The following DACH1 variants were observed in gnomAD, a reference collection of about 807,000 sequenced individuals.
DACH1 encodes dachshund family transcription factor 1.
In DACH1, 12 loss-of-function variants were observed where a neutral mutation model predicts 54.2. The observed-to-expected ratio is 0.22, with a 90% CI of 0.14 to 0.36. DACH1 has a LOEUF of 0.36. Ranked by LOEUF, DACH1 falls within the 10% of genes least tolerant of loss-of-function variation. DACH1 has a pLI of 1.00. For missense variants in DACH1, 805 were observed against 929.8 expected (o/e 0.87, Z 1.75); for synonymous variants, 386 against 366.2 (o/e 1.05, Z -0.62).
chr13:71,599,359 T>A (rs1874331949), intron 3 of DACH1, among the ~76,000 whole-genome samples: 1 of 152,150 alleles, frequency 6.6e-6, no homozygotes, highest in Non-Finnish European at 1.5e-5. Context: ...TTAAAGAGGT[T>A]TATGAATTAT....
At chr13:71,754,371 A>G (rs1885053628) in intron 1 of DACH1, among the ~76,000 whole-genome samples, 1 of 152,084 alleles carries the variant, frequency 6.6e-6, no homozygotes, top group Non-Finnish European at 1.5e-5. Context: ...GCCCCCTTTC[A>G]TGCTATGCAA....
At chr13:71,717,592 A>T (rs994881381) in intron 1 of DACH1, among the ~76,000 whole-genome samples, 1 of 151,436 alleles carries the variant, frequency 6.6e-6, no homozygotes, top group Non-Finnish European at 1.5e-5. Flanking sequence ...TTATTTACAC[A>T]TTTTTATGTT....
chr13:71,706,448 A>G (rs1041876446), intron 1 of DACH1, among the ~76,000 whole-genome samples: 1 of 152,080 alleles, frequency 6.6e-6, no homozygotes, highest in African/African-American at 2.4e-5. Flanking sequence ...GAAATAATCA[A>G]AACAATAAGA....
intron 4 of DACH1, among the ~76,000 whole-genome samples, chr13:71,569,154 C>T (rs974410506): frequency 2.6e-5 from 4 of 152,022 alleles, no homozygotes; most frequent in Admixed American, 1.3e-4. Flanking sequence ...TCTTTCAACC[C>T]TAAATTCTCA....
At chr13:71,748,612 T>C (rs149344843) in intron 1 of DACH1, among the ~76,000 whole-genome samples, 87 of 152,320 alleles carry the variant, frequency 5.7e-4, no homozygotes, top group African/African-American at 1.9e-3. Context: ...TCTACTACTA[T>C]AGCAATCCTC....
chr13:71,746,618 C>A (rs988999762), intron 1 of DACH1, among the ~76,000 whole-genome samples: 1 of 152,052 alleles, frequency 6.6e-6, no homozygotes, highest in Non-Finnish European at 1.5e-5. Flanking sequence ...GTTAGCATCT[C>A]TGATAAAAGA....
At chr13:71,548,214 G>A (rs1566331595) in intron 6 of DACH1, among the ~76,000 whole-genome samples, 1 of 152,088 alleles carries the variant, frequency 6.6e-6, no homozygotes, top group East Asian at 1.9e-4. Flanking sequence ...AAAAAACTTT[G>A]TTTGTAGAAA....
At chr13:71,632,553 C>T (rs1877188386) in intron 2 of DACH1, among the ~76,000 whole-genome samples, 1 of 151,872 alleles carries the variant, frequency 6.6e-6, no homozygotes, top group Non-Finnish European at 1.5e-5. Flanking sequence ...TCCTCCTTTT[C>T]CTCCCCACTA....
intron 2 of DACH1, among the ~76,000 whole-genome samples, chr13:71,679,340 T>C (rs543053026): frequency 3.2e-4 from 49 of 152,330 alleles, no homozygotes; most frequent in African/African-American, 1.1e-3. Context: ...CGAAAGTTAC[T>C]TGATGGTGTT....
Position 71,489,016 on chromosome 13 carries a change from G to A in DACH1, c.1703C>T (p.Thr568Ile). 6.2e-7 allele frequency: 1 copy of A among 1,613,642 alleles called. No individual in the cohort carries two copies. ...GCCTACCTGTATGTTAGTCAGAAGA[G>A]TCTCGATGGAAGACAGTCCATCAGG... ...LFPDGLSSIE[T>I]LLTNIQGLLK... Residue 568 changes from threonine (T) to isoleucine (I), a missense_variant, in exon 7 of 11, where the codon ACT becomes ATT. Physicochemically the swap from Thr to Ile is moderately conservative, Grantham distance 89. This residue lies in a region of DACH1 where 472 missense variants were observed against 545.3 expected (regional missense o/e 0.87). Coordinates refer to ENST00000613252, the MANE Select transcript of DACH1 (RefSeq NM_080759.6).
chr13:71,774,780 T>C (rs560150930), intron 1 of DACH1, among the ~76,000 whole-genome samples: 348 of 152,168 alleles, frequency 2.3e-3, no homozygotes, highest in African/African-American at 8.1e-3. Flanking sequence ...CAAATCCAAC[T>C]CTTCTTCAGA....
intron 1 of DACH1, among the ~76,000 whole-genome samples, chr13:71,785,254 T>G (rs1886544545): frequency 6.6e-6 from 1 of 152,124 alleles, no homozygotes. Context: ...TCGCACTAAT[T>G]AGGAAGAACA....
At chr13:71,690,669 C>T (rs1217794134) in intron 1 of DACH1, among the ~76,000 whole-genome samples, 11 of 152,282 alleles carry the variant, frequency 7.2e-5, no homozygotes, top group East Asian at 1.9e-4. Flanking sequence ...CGGTGGCTCA[C>T]GCCTATAATC....
intron 6 of DACH1, among the ~76,000 whole-genome samples, chr13:71,544,490 A>G (rs1883336670): frequency 6.6e-6 from 1 of 152,136 alleles, no homozygotes; most frequent in East Asian, 1.9e-4. Context: ...GAATGAATAA[A>G]TTAATAGAGA....
intron 1 of DACH1, among the ~76,000 whole-genome samples, chr13:71,692,062 C>T (rs1881509071): frequency 6.6e-6 from 1 of 151,558 alleles, no homozygotes; most frequent in Non-Finnish European, 1.5e-5. Context: ...CACACATACA[C>T]TTCTGTAATG....
intron 2 of DACH1, among the ~76,000 whole-genome samples, chr13:71,654,463 A>ATAAAATAAAATAAAG (rs1878942271): frequency 3.0e-4 from 22 of 72,320 alleles, no homozygotes; most frequent in Non-Finnish European, 4.1e-4. Context: ...ATAAAGTAAA[A>ATAAAATAAAATAAAG]TAAAATAAAA....
intron 6 of DACH1, among the ~76,000 whole-genome samples, chr13:71,521,704 C>G (rs996810271): frequency 6.6e-6 from 1 of 152,034 alleles, no homozygotes; most frequent in Non-Finnish European, 1.5e-5. Flanking sequence ...AAAGTAATCA[C>G]CTGATCCCAG....
chr13:71,663,265 A>G (rs1423591667), intron 2 of DACH1, among the ~76,000 whole-genome samples: 1 of 151,660 alleles, frequency 6.6e-6, no homozygotes, highest in East Asian at 1.9e-4. Context: ...AATAACATCA[A>G]TCAGTTATCT....
intron 1 of DACH1, among the ~76,000 whole-genome samples, chr13:71,778,604 TA>T (rs1319216747): frequency 7.3e-5 from 11 of 149,732 alleles, no homozygotes; most frequent in Non-Finnish European, 1.5e-5. Context: ...TATAATAGTT[TA>T]TAAAAAAAAT....
Sources: gnomAD v4.1 joint callset for allele counts (sites outside exome capture counted in the v4.1 genomes callset) on GRCh38, gnomAD v4.1.1 for gene constraint, gnomAD v4.1.1 regional missense constraint, MANE v1.5 for transcripts, NCBI Gene and HGNC (gene_info 2026-07-23, HGNC 2026-07-21) for gene names.